RALYL: variants seen among roughly 807,000 people sequenced by gnomAD.
RALYL encodes RNA-binding Raly-like protein.
Under a neutral mutation model 35.1 loss-of-function variants are expected in RALYL, and 29 were observed. The observed-to-expected ratio is 0.83, with a 90% confidence interval of 0.61 to 1.13. RALYL has a LOEUF of 1.13. Among genes scored for constraint, RALYL ranks in the 50% most tolerant of loss-of-function variants. The probability of loss-of-function intolerance (pLI) is 0.00; values close to 1 mark genes in which losing one functional copy is unlikely to be tolerated. For synonymous variants in RALYL, 120 were observed against 127.6 expected, an observed-to-expected ratio of 0.94 and a Z score of 0.40; for missense variants, 359 against 360.4, an observed-to-expected ratio of 1.00 and a Z score of 0.03.
intron 1 of RALYL, among the ~76,000 whole-genome samples, chr8:84,470,649 A>T (rs1244987244): frequency 1.3e-4 from 20 of 152,116 alleles, no homozygotes; most frequent in Non-Finnish European, 2.8e-4. Context: ...AATGCTGCTT[A>T]TTTTCCCCAG....
At chr8:84,613,838 C>A (rs1338807851) in intron 2 of RALYL, among the ~76,000 whole-genome samples, 1 of 149,028 alleles carries the variant, frequency 6.7e-6, no homozygotes, top group Non-Finnish European at 1.5e-5. Context: ...GCAGTTTTTA[C>A]TTTAAACAAT....
intron 8 of RALYL, among the ~76,000 whole-genome samples, chr8:84,901,058 A>G (rs1845601120): frequency 6.6e-6 from 1 of 152,146 alleles, no homozygotes; most frequent in Non-Finnish European, 1.5e-5. Flanking sequence ...AGACTGAGAG[A>G]TAGAGGTTGC....
intron 1 of RALYL, among the ~76,000 whole-genome samples, chr8:84,365,123 A>C (rs1340838375): frequency 6.6e-6 from 1 of 152,042 alleles, no homozygotes; most frequent in Admixed American, 6.6e-5. Flanking sequence ...TAAATGAAAA[A>C]TTTTCACTCT....
intron 2 of RALYL, among the ~76,000 whole-genome samples, chr8:84,547,571 G>A (rs892209406): frequency 6.6e-6 from 1 of 151,980 alleles, no homozygotes; most frequent in African/African-American, 2.4e-5. Flanking sequence ...AGTAGAGACA[G>A]GGTTTCATCA....
At chr8:84,533,030 T>C (rs2059373164) in intron 2 of RALYL, among the ~76,000 whole-genome samples, 1 of 152,100 alleles carries the variant, frequency 6.6e-6, no homozygotes, top group African/African-American at 2.4e-5. Context: ...ACTTAGGGAT[T>C]CCTAAAATGT....
chr8:84,685,319 C>T (rs1272803567), intron 2 of RALYL, among the ~76,000 whole-genome samples: 2 of 151,988 alleles, frequency 1.3e-5, no homozygotes, highest in Non-Finnish European at 2.9e-5. Context: ...TTTTTCTCTA[C>T]CCATTGTAAC....
chr8:84,722,280 A>AT (rs1364025150), intron 2 of RALYL, among the ~76,000 whole-genome samples: 8 of 152,064 alleles, frequency 5.3e-5, no homozygotes, highest in African/African-American at 1.7e-4. Context: ...GGACTTGGTA[A>AT]TTTAAAAAAA....
intron 2 of RALYL, among the ~76,000 whole-genome samples, chr8:84,536,358 A>G (rs2135126889): frequency 6.6e-6 from 1 of 152,378 alleles, no homozygotes; most frequent in South Asian, 2.1e-4. Context: ...TTGTTAAGAC[A>G]AATACAGAAT....
chr8:84,611,288 G>A (rs1439492258), intron 2 of RALYL, among the ~76,000 whole-genome samples: 3 of 152,074 alleles, frequency 2.0e-5, no homozygotes, highest in Non-Finnish European at 4.4e-5. Context: ...TCAAAGAGGT[G>A]AAGTGATTAT....
chr8:84,254,603 C>G (rs4740004), intron 1 of RALYL, among the ~76,000 whole-genome samples: 66,144 of 151,516 alleles, frequency 0.44, 14,595 homozygotes, highest in East Asian at 0.53. Context: ...GAAAATTTTC[C>G]TGAGTTCTAC....
chr8:84,848,508 G>GATAC (rs1398629248), intron 4 of RALYL, among the ~76,000 whole-genome samples: 1 of 151,610 alleles, frequency 6.6e-6, no homozygotes, highest in Non-Finnish European at 1.5e-5. Context: ...ATGAAATTCT[G>GATAC]ATACATACTA....
At chr8:84,354,644 AG>A (rs1371894143) in intron 1 of RALYL, among the ~76,000 whole-genome samples, 2 of 150,280 alleles carry the variant, frequency 1.3e-5, no homozygotes, top group Non-Finnish European at 3.0e-5. Flanking sequence ...ATATAATTTA[AG>A]TTAACCTCTT....
intron 2 of RALYL, among the ~76,000 whole-genome samples, chr8:84,574,580 TA>T (rs1163273095): frequency 6.6e-6 from 1 of 152,122 alleles, no homozygotes; most frequent in African/African-American, 2.4e-5. Flanking sequence ...TTTTTTTCAC[TA>T]TGATCTGAAA....
rs767397433 is a variant in RALYL at position 84,887,596 on chromosome 8, C to G, written c.686-8C>G. Reference sequence around the variant, plus strand: ...AGGTAGTAGTCATTTGCTTTCTCCCCCCCCCAGAAGCTCAGAAGAAGCAAT... The same window carrying G: ...AGGTAGTAGTCATTTGCTTTCTCCCGCCCCCAGAAGCTCAGAAGAAGCAAT... On this transcript the variant is annotated splice_polypyrimidine_tract_variant and splice_region_variant and intron_variant, in intron 7 of 8. Coordinates refer to ENST00000521268, the MANE Select transcript of RALYL (RefSeq NM_173848.7). 1.9e-6 allele frequency: 3 copies of G among 1,599,052 alleles called. No homozygotes were observed. The highest frequency in any genetic ancestry group is 1.7e-6 in the Non-Finnish European group (2 of 1,173,400).
chr8:84,717,278 A>T (rs1404074727), intron 2 of RALYL, among the ~76,000 whole-genome samples: 3 of 152,290 alleles, frequency 2.0e-5, no homozygotes, highest in Middle Eastern at 3.4e-3. Context: ...TAAGTTAACC[A>T]TTTCTTATAT....
At chr8:84,549,791 A>G (rs902589799) in intron 2 of RALYL, among the ~76,000 whole-genome samples, 1 of 152,190 alleles carries the variant, frequency 6.6e-6, no homozygotes, top group African/African-American at 2.4e-5. Flanking sequence ...CCTGTCCAGT[A>G]AAGCCTTTGT....
At chr8:84,873,228 G>GT in intron 6 of RALYL, 56 bp from the exon 7 acceptor site, 1 of 940,842 alleles carries the variant, frequency 1.1e-6, no homozygotes, top group African/African-American at 1.6e-5. Context: ...TCGGTCCTAG[G>GT]TGAGTTATGG....
At chr8:84,281,951 G>T (rs993136508) in intron 1 of RALYL, among the ~76,000 whole-genome samples, 5 of 152,088 alleles carry the variant, frequency 3.3e-5, no homozygotes, top group Non-Finnish European at 5.9e-5. Context: ...TCATGTTGAT[G>T]CTACTCTTCT....
At chr8:84,903,579 A>C (rs11776327) in intron 8 of RALYL, among the ~76,000 whole-genome samples, 3,376 of 152,210 alleles carry the variant, frequency 0.022, 77 homozygotes, top group Non-Finnish European at 0.034. Context: ...CCCAGGAGGT[A>C]ACTCCCATTG....
Sources: allele counts gnomAD v4.1 joint callset (sites outside exome capture counted in the v4.1 genomes callset), GRCh38; gene constraint gnomAD v4.1.1; transcripts MANE v1.5; gene names NCBI Gene and HGNC (gene_info 2026-07-23, HGNC 2026-07-21).